Variants in DLG2 observed in about 807,000 individuals in gnomAD.
DLG2 encodes discs large MAGUK scaffold protein 2, also known as disks large homolog 2.
A neutral mutation model predicts 132.5 loss-of-function variants in DLG2; 45 were observed. The ratio of observed to expected loss-of-function variants is 0.34; its 90% confidence interval spans 0.27 to 0.44. The LOEUF is 0.44. Among genes scored for constraint, DLG2 ranks in the 20% least tolerant of loss-of-function variants. The probability of loss-of-function intolerance (pLI) is 1.00; values close to 1 mark genes in which losing one functional copy is unlikely to be tolerated. For missense variants in DLG2, 1,045 were observed against 1,196.9 expected, an observed-to-expected ratio of 0.87 and a Z score of 1.87; for synonymous variants, 424 against 419.6, an observed-to-expected ratio of 1.01 and a Z score of -0.13.
At chr11:84,273,129 A>G in intron 7 of DLG2, 1 of 1,495,384 alleles carries the variant, frequency 6.7e-7, no homozygotes, top group Non-Finnish European at 8.9e-7. Flanking sequence ...TCCCTAGGAA[A>G]ATAAAAGAAA....
Position 84,711,330 on chromosome 11 carries a change from A to AAGAGAGAGAGAG in DLG2, c.358-176611_358-176600dup, listed in dbSNP as rs760750088. Among the ~76,000 whole-genome samples the AAGAGAGAGAGAG allele has an allele frequency of 5.6e-4, 27 of 48,476 alleles. 1 individual carries two copies. The highest frequency in any genetic ancestry group is 2.8e-3 in the East Asian group (3 of 1,090). 31.8% of individuals were successfully genotyped at this position (48,476 alleles called of 152,430 possible). On this transcript the variant is annotated intron_variant, in intron 6 of 27. Transcript: ENST00000376104. Reference sequence around the variant, plus strand: ...GGTTCTCCAAAGAAACAGAACCAGTAAGAGAGAGAGAGAGAGAGAGAGAGA... The same window carrying AAGAGAGAGAGAG: ...GGTTCTCCAAAGAAACAGAACCAGTAAGAGAGAGAGAGAGAGAGAGAGAGAGAGAGAGAGAGA...
chr11:85,518,438 T>C (rs778849698), intron 3 of DLG2, among the ~76,000 whole-genome samples: 4 of 152,138 alleles, frequency 2.6e-5, no homozygotes, highest in Admixed American at 6.6e-5. Context: ...CACTAGAGAT[T>C]TGTAGAACTT....
intron 3 of DLG2, among the ~76,000 whole-genome samples, chr11:85,362,995 G>A (rs1265962509): frequency 6.6e-6 from 1 of 152,164 alleles, no homozygotes; most frequent in Non-Finnish European, 1.5e-5. Flanking sequence ...TAGTAACAAA[G>A]CTTGCACACA....
At chr11:83,737,996 T>A (rs1158997433) in intron 18 of DLG2, among the ~76,000 whole-genome samples, 9 of 152,132 alleles carry the variant, frequency 5.9e-5, no homozygotes, top group Non-Finnish European at 1.3e-4. Flanking sequence ...CTCAGATCCA[T>A]ATTCAGAGAG....
chr11:84,005,074 CA>C (rs1177447878), intron 11 of DLG2, among the ~76,000 whole-genome samples: 2 of 150,480 alleles, frequency 1.3e-5, no homozygotes, highest in East Asian at 3.9e-4. Context: ...AACAAACAAA[CA>C]AAAAACAAAG....
intron 7 of DLG2, among the ~76,000 whole-genome samples, chr11:84,329,994 T>A (rs1283227837): frequency 1.3e-5 from 2 of 152,020 alleles, no homozygotes; most frequent in East Asian, 3.9e-4. Flanking sequence ...TTTCCTCATT[T>A]ATAAAATAAG....
chr11:84,548,014 T>C (rs914644386), intron 6 of DLG2, among the ~76,000 whole-genome samples: 20 of 152,272 alleles, frequency 1.3e-4, no homozygotes, highest in African/African-American at 4.6e-4. Flanking sequence ...CAAAAATTGG[T>C]TTATGTTGTG....
chr11:84,233,883 C>T (rs2097126508), intron 8 of DLG2, among the ~76,000 whole-genome samples: 2 of 152,212 alleles, frequency 1.3e-5, no homozygotes. Flanking sequence ...CTCCAGACAA[C>T]AAGGCCGTTT....
chr11:83,964,110 G>A (rs2089620862), intron 13 of DLG2, among the ~76,000 whole-genome samples: 1 of 152,006 alleles, frequency 6.6e-6, no homozygotes, highest in Middle Eastern at 3.4e-3. Flanking sequence ...ACCTTACAAT[G>A]TGCCTTGTAC....
chr11:85,430,830 A>C (rs2091127588), intron 3 of DLG2, among the ~76,000 whole-genome samples: 1 of 140,190 alleles, frequency 7.1e-6, no homozygotes, highest in South Asian at 2.3e-4. Context: ...GTTTTTTCTA[A>C]TGGAAAAGCT....
intron 6 of DLG2, among the ~76,000 whole-genome samples, chr11:84,711,599 A>C (rs1410742259): frequency 1.3e-5 from 2 of 151,938 alleles, no homozygotes; most frequent in Admixed American, 1.3e-4. Flanking sequence ...CTCAAAACCC[A>C]AAAAGAGCCA....
At chr11:84,550,775 G>C (rs925376529) in intron 6 of DLG2, among the ~76,000 whole-genome samples, 3 of 152,134 alleles carry the variant, frequency 2.0e-5, no homozygotes, top group African/African-American at 7.2e-5. Context: ...TGTTTATCTA[G>C]CGTGTTATAT....
intron 3 of DLG2, among the ~76,000 whole-genome samples, chr11:85,348,552 G>A (rs138285099): frequency 2.4e-4 from 36 of 152,232 alleles, no homozygotes; most frequent in African/African-American, 8.0e-4. Flanking sequence ...ATGATCAGAA[G>A]TTATACCAAG....
intron 6 of DLG2, among the ~76,000 whole-genome samples, chr11:85,042,432 G>C (rs949835963): frequency 6.6e-6 from 1 of 151,966 alleles, no homozygotes; most frequent in Non-Finnish European, 1.5e-5. Flanking sequence ...CTTAATTCTT[G>C]CAACATCCAA....
chr11:83,547,078 G>T (rs1258460877), intron 19 of DLG2, among the ~76,000 whole-genome samples: 1 of 152,050 alleles, frequency 6.6e-6, no homozygotes, highest in Non-Finnish European at 1.5e-5. Flanking sequence ...TTAGACTGAG[G>T]TAATATTTAA....
chr11:85,169,437 G>A (rs2152490396), intron 4 of DLG2, among the ~76,000 whole-genome samples: 1 of 152,240 alleles, frequency 6.6e-6, no homozygotes, highest in African/African-American at 2.4e-5. Flanking sequence ...TACAAACTAT[G>A]TATGAGCCAT....
Position 85,101,853 on chromosome 11 carries a change from C to T in DLG2, c.357+9808G>A, listed in dbSNP as rs558951443. Among the ~76,000 whole-genome samples the T allele has an allele frequency of 1.6e-4, 24 of 152,140 alleles. 1 individual carries two copies. Among genetic ancestry groups the T allele is most frequent in the African/African-American group, 5.5e-4 (23 of 41,550 alleles). On this transcript the variant is annotated intron_variant, in intron 6 of 27. Transcript: ENST00000376104. ...TAAAGAAAGCCCATTATTAAAATTC[C>T]TTCAGTTCTGAATGGTAGGTCATGC...
At chr11:85,417,840 T>C (rs2089991858) in intron 3 of DLG2, among the ~76,000 whole-genome samples, 1 of 152,192 alleles carries the variant, frequency 6.6e-6, no homozygotes, top group Non-Finnish European at 1.5e-5. Context: ...CTTTTCTTCT[T>C]TATTAGTCTG....
At chr11:84,748,772 T>G (rs934175958) in intron 6 of DLG2, among the ~76,000 whole-genome samples, 1 of 152,176 alleles carries the variant, frequency 6.6e-6, no homozygotes, top group African/African-American at 2.4e-5. Context: ...CTCATTGTTC[T>G]CTCTTTTAAA....
Sources: allele counts gnomAD v4.1 joint callset (sites outside exome capture counted in the v4.1 genomes callset), GRCh38; gene constraint gnomAD v4.1.1; transcripts MANE v1.5; gene names NCBI Gene and HGNC (gene_info 2026-07-23, HGNC 2026-07-21).